The following ZNF236 variants were observed in gnomAD, a reference collection of about 807,000 sequenced individuals.
ZNF236 encodes the protein regulated by glucose.
Under a neutral mutation model 191.2 loss-of-function variants are expected in ZNF236, and 50 were observed. That is an observed-to-expected ratio of 0.26 (90% CI 0.21 to 0.33). The LOEUF (loss-of-function observed/expected upper bound fraction) is 0.33. ZNF236 is among the 10% of genes least tolerant of loss of function. The pLI is 1.00. For synonymous variants in ZNF236, 907 were observed against 928.8 expected, an observed-to-expected ratio of 0.98 and a Z score of 0.43; for missense variants, 1,754 against 2,374.5, an observed-to-expected ratio of 0.74 and a Z score of 5.43.
chr18:76,898,987 A>T (rs775483719), intron 10 of ZNF236, 32 bp from the exon 11 acceptor site: 12 of 1,572,840 alleles, frequency 7.6e-6, no homozygotes, highest in Non-Finnish European at 1.0e-5. Flanking sequence ...ATTTCTGGAA[A>T]TAATTCTAAA....
Position 76,970,106 on chromosome 18 carries a change from CT to C in ZNF236, c.*1772del, listed in dbSNP as rs1056595520. On this transcript the variant is annotated 3_prime_UTR_variant, in exon 31 of 31. Coordinates refer to ENST00000320610, the MANE Select transcript of ZNF236 (RefSeq NM_001306089.2). Reference sequence around the variant, plus strand: ...TTTTAAAGGTTCTGCTTTTAATGCACTTTTTATTTTATAATTTTGTATTGAA... The same window carrying C: ...TTTTAAAGGTTCTGCTTTTAATGCACTTTTATTTTATAATTTTGTATTGAA... 5 of 152,508 alleles carry C rather than the reference CT, an allele frequency of 3.3e-5. No individual in the cohort carries two copies. Among genetic ancestry groups the C allele is most frequent in the African/African-American group, 1.2e-4 (5 of 41,492 alleles). 9.4% of individuals were successfully genotyped at this position (152,508 alleles called of 1,614,324 possible).
In ZNF236 at chr18:76,970,444, C is replaced by T. The variant is rs1455376530; in HGVS notation, c.*2105C>T. 1 of 152,600 alleles carries T rather than the reference C, an allele frequency of 6.6e-6. No homozygotes were observed. Among genetic ancestry groups the T allele is most frequent in the African/African-American group, 2.4e-5 (1 of 41,452 alleles). The allele number at this position is 152,600 out of a possible 1,614,324, so 9.5% of individuals were successfully genotyped here. A position where few individuals can be genotyped will look rare whatever the true frequency, so the allele number is the denominator to read the frequency against. ...TCTCAATTTATTAGCAAACACAAGA[C>T]ATTTTATGTATTATTTCGATTTACT... On this transcript the variant is annotated 3_prime_UTR_variant, in exon 31 of 31. Transcript: ENST00000320610.
At chr18:76,912,687 C>T (rs926282162) in intron 17 of ZNF236, among the ~76,000 whole-genome samples, 2 of 152,200 alleles carry the variant, frequency 1.3e-5, no homozygotes, top group African/African-American at 2.4e-5. Context: ...TAGTTCAAGA[C>T]TCTTCATGTG....
intron 18 of ZNF236, 75 bp from the exon 19 acceptor site, chr18:76,915,572 G>C (rs1967334453): frequency 7.1e-7 from 1 of 1,403,688 alleles, no homozygotes; most frequent in African/African-American, 1.4e-5. Flanking sequence ...TCTTTGTTTG[G>C]TTTTGACTGC....
rs1156505904 is a variant in ZNF236, at chr18:76,894,917, C to G, written c.1418-96C>G. ...AATTCCAAGCTTTCCCATAACTGAT[C>G]ATGCGTGCAGCTTTCTGTGGGGACC... On this transcript the variant is annotated intron_variant, in intron 9 of 30. Transcript: ENST00000320610. 5 of 1,494,166 alleles carry G rather than the reference C, an allele frequency of 3.3e-6. No individual in the cohort carries two copies. The African/African-American group carries it at 6.9e-5, about 21-fold the overall frequency. 92.6% of individuals were successfully genotyped at this position (1,494,166 alleles called of 1,614,324 possible). A position where few individuals can be genotyped will look rare whatever the true frequency, so the allele number is the denominator to read the frequency against.
Position 76,905,265 on chromosome 18 carries a change from A to G in ZNF236, c.2147A>G (p.Lys716Arg). ...IRTHTGLKSF[K>R]CLICNGAFTT... Reference sequence around the variant, plus strand: ...ACACACACAGGACTGAAATCTTTCAAGTGTCTGATATGTAATGGGGCTTTC... The same window carrying G: ...ACACACACAGGACTGAAATCTTTCAGGTGTCTGATATGTAATGGGGCTTTC... Residue 716 changes from lysine (K) to arginine (R), a missense_variant, in exon 13 of 31, where the codon AAG (lysine) becomes AGG (arginine). This residue lies in a region of ZNF236 where 641 missense variants were observed against 869.6 expected (regional missense o/e 0.74). Coordinates refer to ENST00000320610, the MANE Select transcript of ZNF236 (RefSeq NM_001306089.2). 1 of 1,614,202 alleles carries G rather than the reference A, an allele frequency of 6.2e-7. No homozygotes were observed. Among genetic ancestry groups the G allele is most frequent in the Non-Finnish European group, 8.5e-7 (1 of 1,180,034 alleles).
At chr18:76,843,916 G>A (rs1696469299) in intron 1 of ZNF236, among the ~76,000 whole-genome samples, 1 of 150,310 alleles carries the variant, frequency 6.7e-6, no homozygotes, top group South Asian at 2.1e-4. Context: ...AGTGGTTCAC[G>A]CCTGTAATAT....
At chr18:76,965,063 A>C (rs1333008417) in intron 30 of ZNF236, among the ~76,000 whole-genome samples, 1 of 152,094 alleles carries the variant, frequency 6.6e-6, no homozygotes. Flanking sequence ...GACTTCTTGG[A>C]GGCTTTGTTC....
At position 76,926,642 on chromosome 18, in the gene ZNF236, ATG is replaced by A. The variant is rs754213059; in HGVS notation, c.4028-394_4028-393del. On this transcript the variant is annotated intron_variant, in intron 22 of 30. Coordinates refer to ENST00000320610, the MANE Select transcript of ZNF236 (RefSeq NM_001306089.2). ...GGGTGATTAGACAGTGTGTGTATATATGGTATAAAGGGTGATTAGACTGTGTG... is the reference window on the plus strand; with the variant it reads ...GGGTGATTAGACAGTGTGTGTATATAGTATAAAGGGTGATTAGACTGTGTG... Among the ~76,000 whole-genome samples the A allele has an allele frequency of 1.9e-4, 28 of 150,306 alleles. No homozygotes were observed. The East Asian group carries it at 3.0e-3, about 16-fold the overall frequency.
chr18:76,913,658 C>T, intron 17 of ZNF236, 89 bp from the exon 18 acceptor site: 2 of 1,409,232 alleles, frequency 1.4e-6, no homozygotes, highest in Non-Finnish European at 2.0e-6. Flanking sequence ...GTTGGTGAAG[C>T]TTGTTTGCTT....
At position 76,895,069 on chromosome 18, in the gene ZNF236, G is replaced by A. The variant is rs916900644; in HGVS notation, c.1474G>A (p.Glu492Lys). Residue 492 changes from glutamate (E) to lysine (K), a missense_variant, in exon 10 of 31, where the codon GAG (glutamate) becomes AAG (lysine). Physicochemically the swap from Glu to Lys is moderately conservative, Grantham distance 56 (BLOSUM62 1). Coordinates refer to ENST00000320610, the MANE Select transcript of ZNF236 (RefSeq NM_001306089.2). ...GCATGTGTGTCCCTACTGCGCCAAG[G>A]AGTTCCGCAAGCCCAGCGACCTGGT... ...RWHVCPYCAK[E>K]FRKPSDLVRH... 3 of 1,611,844 alleles carry A rather than the reference G, an allele frequency of 1.9e-6. No homozygotes were observed. The highest frequency in any genetic ancestry group is 2.5e-6 in the Non-Finnish European group (3 of 1,180,008).
At chr18:76,922,701 C>T (rs1417694854) in intron 20 of ZNF236, among the ~76,000 whole-genome samples, 1 of 151,956 alleles carries the variant, frequency 6.6e-6, no homozygotes, top group East Asian at 1.9e-4. Context: ...GGATTACAGG[C>T]GCCTGCCACC....
intron 4 of ZNF236, among the ~76,000 whole-genome samples, chr18:76,870,083 T>G (rs1187960293): frequency 2.6e-5 from 4 of 152,242 alleles, no homozygotes; most frequent in African/African-American, 9.6e-5. Flanking sequence ...AACAAGAAGT[T>G]CCGTGCCAGT....
In ZNF236 at chr18:76,855,682, G is replaced by T. The variant is rs1160769119; in HGVS notation, c.363+3743G>T. Among the ~76,000 whole-genome samples, 4 of 152,110 alleles carry T rather than the reference G, an allele frequency of 2.6e-5. 1 individual carries two copies. Among genetic ancestry groups the T allele is most frequent in the African/African-American group, 9.7e-5 (4 of 41,426 alleles). ...AAAGCTATGGTGATCAAATATTTTT[G>T]TCGATGTTTGAGTTCTCAAGATGGG... On this transcript the variant is annotated intron_variant, in intron 3 of 30. Coordinates refer to ENST00000320610, the MANE Select transcript of ZNF236 (RefSeq NM_001306089.2).
At chr18:76,857,836 G>C (rs116698649) in intron 3 of ZNF236, among the ~76,000 whole-genome samples, 132 of 152,238 alleles carry the variant, frequency 8.7e-4, no homozygotes, top group African/African-American at 3.1e-3. Context: ...TTATAGGCTG[G>C]TATTTTTATT....
rs1236014179 is a variant in ZNF236, at chr18:76,927,381, A to G, written c.4278A>G (p.Thr1426=). The change falls in exon 24 of 31, where the codon ACA becomes ACG. Residue 1426 remains threonine (T), a synonymous_variant. Coordinates refer to ENST00000320610, the MANE Select transcript of ZNF236 (RefSeq NM_001306089.2). The surrounding 1 kb of genome is among the most constrained non-coding windows in gnomAD (Gnocchi z 5.4). ...GLAPQNSSLQ[T]SDSTVPASVV... ...CCCCACAGAACAGCTCTCTCCAGAC[A>G]TCGGACAGCACGGTCCCTGCCAGTG... is the stretch of plus-strand genomic sequence containing the variant. 3 of 1,614,202 alleles carry G rather than the reference A, an allele frequency of 1.9e-6. No homozygotes were observed. Among genetic ancestry groups the G allele is most frequent in the East Asian group, 2.2e-5 (1 of 44,884 alleles).
Position 76,927,218 on chromosome 18 carries a change from C to T in ZNF236, c.4173+36C>T. ...TTCCATGGTCTCCTGTGCTGTAATT[C>T]TCTTGGCATCACAGAGAAGCATGAA... On this transcript the variant is annotated intron_variant, in intron 23 of 30. Coordinates refer to ENST00000320610, the MANE Select transcript of ZNF236 (RefSeq NM_001306089.2). This position sits in a 1 kb window ranked among gnomAD's most constrained non-coding sequence, Gnocchi z 5.4. 1.2e-6 allele frequency: 2 copies of T among 1,611,632 alleles called. No homozygotes were observed. Among genetic ancestry groups the T allele is most frequent in the Non-Finnish European group, 1.7e-6 (2 of 1,177,888 alleles).
chr18:76,855,026 A>G (rs963881883), intron 3 of ZNF236, among the ~76,000 whole-genome samples: 1 of 152,306 alleles, frequency 6.6e-6, no homozygotes, highest in African/African-American at 2.4e-5. Flanking sequence ...CCCAGGTTCA[A>G]GTGATTCTCC....
In ZNF236 at chr18:76,960,983, G is replaced by C; in HGVS notation, c.5419+128G>C. On this transcript the variant is annotated intron_variant, in intron 30 of 30. Coordinates refer to ENST00000320610, the MANE Select transcript of ZNF236 (RefSeq NM_001306089.2). This position sits in a 1 kb window ranked among gnomAD's most constrained non-coding sequence, Gnocchi z 4.4. ...GCACGTGGTACAGCCTCAGTTGTGT[G>C]GACTGGAAGCTTGTGCTTTATTTTA... 1 of 1,032,052 alleles carries C rather than the reference G, an allele frequency of 9.7e-7. No individual in the cohort carries two copies. Among genetic ancestry groups the C allele is most frequent in the Non-Finnish European group, 1.4e-6 (1 of 731,726 alleles). 63.9% of individuals were successfully genotyped at this position (1,032,052 alleles called of 1,614,324 possible).
Sources: gnomAD v4.1 joint callset for allele counts (sites outside exome capture counted in the v4.1 genomes callset) on GRCh38, gnomAD v4.1.1 for gene constraint, gnomAD v4.1.1 regional missense constraint, Gnocchi (gnomAD v3.1) non-coding constraint, MANE v1.5 for transcripts, NCBI Gene and HGNC (gene_info 2026-07-23, HGNC 2026-07-21) for gene names.